CRY2: variants seen among roughly 807,000 people sequenced by gnomAD.
CRY2 encodes the protein cryptochrome circadian regulator 2, also known as cryptochrome-2.
In CRY2, 31 loss-of-function variants were observed where a neutral mutation model predicts 69.5. That is an observed-to-expected ratio of 0.45 (90% CI 0.34 to 0.60). The LOEUF is 0.60. Among genes scored for constraint, CRY2 ranks in the 20% least tolerant of loss-of-function variants. The pLI is 0.02. For synonymous variants in CRY2, 303 were observed against 312.2 expected (o/e 0.97, Z 0.31); for missense variants, 606 against 797.8 (o/e 0.76, Z 2.90).
intron 4 of CRY2, chr11:45,861,636 T>C: frequency 5.4e-6 from 1 of 186,816 alleles, no homozygotes; most frequent in Non-Finnish European, 1.1e-5. Context: ...GAGACGGGGT[T>C]TCACCATGTT....
chr11:45,854,603 C>T lies in CRY2; in HGVS notation c.216-1379C>T, dbSNP rs528797339. On this transcript the variant is annotated intron_variant, in intron 1 of 11. Transcript: ENST00000616080. ...ACTCGGAAAGCTGAGGCAGGAGAAT[C>T]GCTTGAACCTGGGTTGGGGAGGTTG... Among the ~76,000 whole-genome samples, 6 of 152,272 alleles carry T rather than the reference C, an allele frequency of 3.9e-5. No homozygotes were observed. The South Asian group carries it at 8.3e-4, about 21-fold the overall frequency.
chr11:45,879,428 T>C (rs1484999896), intron 11 of CRY2, among the ~76,000 whole-genome samples: 1 of 152,254 alleles, frequency 6.6e-6, no homozygotes, highest in Non-Finnish European at 1.5e-5. Flanking sequence ...ATTTTCCCTT[T>C]TCTAATAACA....
chr11:45,852,217 G>A (rs2086203455), intron 1 of CRY2, among the ~76,000 whole-genome samples: 1 of 152,212 alleles, frequency 6.6e-6, no homozygotes, highest in South Asian at 2.1e-4. Flanking sequence ...CATGTGCTCT[G>A]AATTTTGGCC....
chr11:45,849,823 AT>A (rs1188413558), intron 1 of CRY2, among the ~76,000 whole-genome samples: 5 of 152,106 alleles, frequency 3.3e-5, no homozygotes, highest in African/African-American at 1.2e-4. Context: ...GGGTTTCACC[AT>A]GTTGGCTAGG....
rs553155943 is a variant in CRY2, at chr11:45,877,496, G to T, written c.*3-3418G>T. ...GTTCTTGATAGCATCTAATGGATGG[G>T]AAGGGATGTGAGGGCAAAGGTACCC... On this transcript the variant is annotated intron_variant, in intron 11 of 11. Coordinates refer to ENST00000616080, the MANE Select transcript of CRY2 (RefSeq NM_021117.5). Among the ~76,000 whole-genome samples the T allele has an allele frequency of 3.9e-5, 6 of 152,370 alleles. No homozygotes were observed. In the South Asian group the frequency reaches 1.2e-3, roughly 32 times the overall value.
At chr11:45,872,403 T>C (rs913128295) in intron 11 of CRY2, among the ~76,000 whole-genome samples, 170 bp downstream of exon 11, 1 of 152,036 alleles carries the variant, frequency 6.6e-6, no homozygotes, top group African/African-American at 2.4e-5. Context: ...CCGGGTTCCA[T>C]CCTGGCTTAG....
chr11:45,853,067 G>A (rs947696082), intron 1 of CRY2, among the ~76,000 whole-genome samples: 3 of 152,172 alleles, frequency 2.0e-5, no homozygotes, highest in African/African-American at 7.2e-5. Context: ...GGCTAAAAAC[G>A]AACATGTCAA....
chr11:45,852,754 G>T (rs147817377), intron 1 of CRY2, among the ~76,000 whole-genome samples: 2 of 152,366 alleles, frequency 1.3e-5, no homozygotes, highest in African/African-American at 4.8e-5. Context: ...ACAGAGACTA[G>T]AAGTAAAGTT....
chr11:45,870,624 A>T (rs2086371425), intron 9 of CRY2, 92 bp downstream of exon 9: 2 of 1,463,040 alleles, frequency 1.4e-6, no homozygotes, highest in Admixed American at 3.8e-5. Context: ...TTGCAAAGGG[A>T]GACTGAGTGC....
intron 5 of CRY2, among the ~76,000 whole-genome samples, chr11:45,863,028 G>A (rs561917138): frequency 1.3e-5 from 2 of 152,344 alleles, no homozygotes; most frequent in African/African-American, 4.8e-5. Context: ...AATAGAACAA[G>A]GAGGCCAAGG....
At chr11:45,856,849 G>C (rs1226455885) in intron 2 of CRY2, among the ~76,000 whole-genome samples, 1 of 151,722 alleles carries the variant, frequency 6.6e-6, no homozygotes, top group Non-Finnish European at 1.5e-5. Context: ...TGTTTCCCAT[G>C]GGGTAAATGA....
rs1472559809 is a variant in CRY2 at position 45,880,981 on chromosome 11, C to G, written c.*70C>G. Reference sequence around the variant, plus strand: ...CAGCCACCGCAGCAGCAGAGTACAACCTGCAGAGAAGCTGATCACCGGGCA... The same window carrying G: ...CAGCCACCGCAGCAGCAGAGTACAAGCTGCAGAGAAGCTGATCACCGGGCA... On this transcript the variant is annotated 3_prime_UTR_variant, in exon 12 of 12. Transcript: ENST00000616080. 1.3e-5 allele frequency: 2 copies of G among 152,358 alleles called. No homozygotes were observed. The highest frequency in any genetic ancestry group is 2.9e-5 in the Non-Finnish European group (2 of 68,152). 9.4% of individuals were successfully genotyped at this position (152,358 alleles called of 1,614,324 possible).
Position 45,856,062 on chromosome 11 carries a change from C to T in CRY2, c.296C>T (p.Pro99Leu). The stretch of plus-strand genomic sequence containing the variant: ...CGCCTGTTTGTAGTCCGGGGACAGC[C>T]AGCCGACGTGTTCCCAAGGCTGTTC... Reference protein sequence around the residue: ...NSRLFVVRGQPADVFPRLFKE... With the variant: ...NSRLFVVRGQLADVFPRLFKE... The change falls in exon 2 of 12, where the codon CCA (proline) becomes CTA (leucine). Residue 99 changes from proline to leucine, a missense_variant. Transcript: ENST00000616080. 1 of 1,614,184 alleles carries T rather than the reference C, an allele frequency of 6.2e-7. No individual in the cohort carries two copies.
At chr11:45,848,012 G>C (rs1247362772) in intron 1 of CRY2, among the ~76,000 whole-genome samples, 1 of 152,184 alleles carries the variant, frequency 6.6e-6, no homozygotes, top group Non-Finnish European at 1.5e-5. Context: ...CCAAGGACTT[G>C]TAGCCAGTGA....
intron 4 of CRY2, chr11:45,861,717 C>G (rs72902439): frequency 0.2 from 54,527 of 266,102 alleles, 6,165 homozygotes; most frequent in Non-Finnish European, 0.24. Flanking sequence ...GCTGGGATTA[C>G]AGACGTGAGC....
At chr11:45,848,401 C>T (rs1235392839) in intron 1 of CRY2, among the ~76,000 whole-genome samples, 1 of 152,110 alleles carries the variant, frequency 6.6e-6, no homozygotes, top group Non-Finnish European at 1.5e-5. Flanking sequence ...GAGCTTTGAC[C>T]TCGATAGAAA....
chr11:45,858,013 A>C (rs1304092165), intron 2 of CRY2, among the ~76,000 whole-genome samples: 1 of 152,212 alleles, frequency 6.6e-6, no homozygotes, highest in African/African-American at 2.4e-5. Flanking sequence ...TGCAAGTTGC[A>C]TGCTCTAGGG....
intron 1 of CRY2, among the ~76,000 whole-genome samples, chr11:45,849,017 A>C (rs2086173615): frequency 6.6e-6 from 1 of 152,200 alleles, no homozygotes; most frequent in South Asian, 2.1e-4. Flanking sequence ...TAGTGTGCAC[A>C]TTAAGCCAAG....
At chr11:45,856,795 CAAAA>C (rs558781174) in intron 2 of CRY2, among the ~76,000 whole-genome samples, 1 of 64,262 alleles carries the variant, frequency 1.6e-5, no homozygotes. Flanking sequence ...GACTCCGTCT[CAAAA>C]AAAAAAAAAA....
Sources: allele counts gnomAD v4.1 joint callset (sites outside exome capture counted in the v4.1 genomes callset), GRCh38; gene constraint gnomAD v4.1.1; transcripts MANE v1.5; gene names NCBI Gene and HGNC (gene_info 2026-07-23, HGNC 2026-07-21).